DRGX: variants seen among roughly 807,000 people sequenced by gnomAD.
DRGX encodes dorsal root ganglia homeobox.
A neutral mutation model predicts 28.6 loss-of-function variants in DRGX; 21 were observed. The ratio of observed to expected loss-of-function variants is 0.73; its 90% CI spans 0.52 to 1.06. DRGX has a LOEUF of 1.06. Among genes scored for constraint, DRGX ranks in the 50% least tolerant of loss-of-function variants. DRGX has a pLI of 0.00. For missense variants in DRGX, 354 were observed against 343.9 expected (o/e 1.03, Z -0.23); for synonymous variants, 136 against 139.1 (o/e 0.98, Z 0.16).
At chr10:49,379,646 T>C (rs970480024) in intron 6 of DRGX, among the ~76,000 whole-genome samples, 13 of 152,184 alleles carry the variant, frequency 8.5e-5, no homozygotes, top group Non-Finnish European at 1.8e-4. Flanking sequence ...CAAAACATCC[T>C]TGACTAATGC....
At chr10:49,371,208 A>G (rs920388983) in intron 6 of DRGX, among the ~76,000 whole-genome samples, 3 of 152,214 alleles carry the variant, frequency 2.0e-5, no homozygotes, top group African/African-American at 7.2e-5. Context: ...TGCCGCCTGC[A>G]CAAACAACTT....
chr10:49,371,747 A>G (rs2132470939), intron 6 of DRGX, among the ~76,000 whole-genome samples: 1 of 141,186 alleles, frequency 7.1e-6, no homozygotes, highest in African/African-American at 2.8e-5. Flanking sequence ...AACTGAGATC[A>G]TGCCACTGCA....
intron 6 of DRGX, among the ~76,000 whole-genome samples, chr10:49,381,560 A>G (rs144604045): frequency 1.3e-5 from 2 of 152,268 alleles, no homozygotes; most frequent in East Asian, 3.9e-4. Context: ...AGGACTTCAC[A>G]TCCATGACAA....
At chr10:49,390,376 TG>T (rs1849889223) in intron 3 of DRGX, 142 bp from the exon 4 acceptor site, 1 of 713,468 alleles carries the variant, frequency 1.4e-6, no homozygotes. Flanking sequence ...GAGAGCTCTT[TG>T]GAAAGATCCC....
intron 6 of DRGX, among the ~76,000 whole-genome samples, chr10:49,374,297 C>A (rs898450162): frequency 6.6e-6 from 1 of 152,192 alleles, no homozygotes; most frequent in African/African-American, 2.4e-5. Flanking sequence ...CCTCCGCCTG[C>A]ACTCAGGGTA....
intron 3 of DRGX, 73 bp downstream of exon 3, chr10:49,391,090 AG>A: frequency 6.8e-7 from 1 of 1,475,352 alleles, no homozygotes; most frequent in Non-Finnish European, 9.4e-7. Flanking sequence ...TAAAAGACAA[AG>A]AAGAGTTGCT....
At chr10:49,383,700 G>A (rs1849801945) in intron 6 of DRGX, among the ~76,000 whole-genome samples, 1 of 152,188 alleles carries the variant, frequency 6.6e-6, no homozygotes, top group Admixed American at 6.5e-5. Flanking sequence ...CTCGTGAATG[G>A]GACTCGTGCC....
rs2132486635 is a variant in DRGX, at chr10:49,391,252, G to A, written c.44C>T (p.Thr15Ile). ...ATCCCCCGAAGAGTGATTGCCAAAG[G>A]TTGCAGTGCCTACCAAGAGCAAACT... ...HCPPQLEGTA[T>I]FGNHSSGDFD... The change falls in exon 3 of 7, where the codon ACC becomes ATC. Residue 15 changes from threonine (T) to isoleucine (I), a missense_variant. Physicochemically the swap from Thr to Ile is moderately conservative, Grantham distance 89. Coordinates refer to ENST00000374139, the MANE Select transcript of DRGX (RefSeq NM_001276451.2). 1 of 1,610,098 alleles carries A rather than the reference G, an allele frequency of 6.2e-7. No individual in the cohort carries two copies. The highest frequency in any genetic ancestry group is 8.5e-7 in the Non-Finnish European group (1 of 1,178,232).
Position 49,366,136 on chromosome 10 carries a change from C to T in DRGX, c.772G>A (p.Glu258Lys), listed in dbSNP as rs867908614. The change falls in exon 7 of 7, where the codon GAG becomes AAG. Residue 258 changes from glutamate to lysine, a missense_variant. Physicochemically the swap from Glu to Lys is moderately conservative, Grantham distance 56. Transcript: ENST00000374139. ...EKTSPTKEQS[E>K]AEKSV The stretch of plus-strand genomic sequence containing the variant: ...GACCCTCATACACTCTTCTCTGCCT[C>T]GCTCTGTTCCTTGGTGGGAGAGGTC... 19 of 1,600,154 alleles carry T rather than the reference C, an allele frequency of 1.2e-5. No individual in the cohort carries two copies. Among genetic ancestry groups the T allele is most frequent in the Admixed American group, 8.4e-5 (5 of 59,342 alleles).
intron 6 of DRGX, among the ~76,000 whole-genome samples, chr10:49,383,125 T>C (rs1366368131): frequency 6.6e-6 from 1 of 152,094 alleles, no homozygotes; most frequent in Non-Finnish European, 1.5e-5. Context: ...TGTCCCACAA[T>C]GGAGCCAGGC....
intron 6 of DRGX, among the ~76,000 whole-genome samples, chr10:49,369,696 T>G (rs1849634047): frequency 6.6e-6 from 1 of 152,184 alleles, no homozygotes; most frequent in South Asian, 2.1e-4. Context: ...TTAATACGAC[T>G]GACTCATACA....
intron 2 of DRGX, chr10:49,391,827 A>G (rs1271601292): frequency 1.9e-6 from 1 of 522,906 alleles, no homozygotes; most frequent in South Asian, 1.5e-5. Flanking sequence ...ATAAATGAAT[A>G]TTAATTACCG....
At chr10:49,368,884 G>A (rs1849626620) in intron 6 of DRGX, among the ~76,000 whole-genome samples, 1 of 152,248 alleles carries the variant, frequency 6.6e-6, no homozygotes, top group African/African-American at 2.4e-5. Flanking sequence ...GCACACCTGA[G>A]AGCAGAGACT....
chr10:49,371,644 T>C (rs1463002789), intron 6 of DRGX, among the ~76,000 whole-genome samples: 1 of 151,764 alleles, frequency 6.6e-6, no homozygotes, highest in Non-Finnish European at 1.5e-5. Context: ...ATACAAAAAT[T>C]AGCCAGGCAT....
chr10:49,374,833 G>A (rs1224652957), intron 6 of DRGX, among the ~76,000 whole-genome samples: 3 of 152,226 alleles, frequency 2.0e-5, no homozygotes, highest in Non-Finnish European at 4.4e-5. Context: ...GACAAGGAGA[G>A]CTCTCACACA....
chr10:49,377,283 G>A (rs1849726738), intron 6 of DRGX, among the ~76,000 whole-genome samples: 1 of 152,344 alleles, frequency 6.6e-6, no homozygotes, highest in South Asian at 2.1e-4. Context: ...GAGGCATGTT[G>A]GATGTGAATA....
chr10:49,392,690 C>T (rs1316491694), intron 2 of DRGX, among the ~76,000 whole-genome samples: 1 of 152,114 alleles, frequency 6.6e-6, no homozygotes, highest in African/African-American at 2.4e-5. Context: ...AAGTAAAACA[C>T]TGCATGTCGA....
rs75655827 is a variant in DRGX, at chr10:49,376,582, A to T, written c.526+9896T>A. On this transcript the variant is annotated intron_variant, in intron 6 of 6. Transcript: ENST00000374139. Reference sequence around the variant, plus strand: ...AGATCCCAAGTGACTTTTTGGCTCAACATCATGACTCTAACAACAATTACG... The same window carrying T: ...AGATCCCAAGTGACTTTTTGGCTCATCATCATGACTCTAACAACAATTACG... 3.6e-4 allele frequency among the ~76,000 whole-genome samples: 55 copies of T among 152,324 alleles called. No homozygotes were observed. The East Asian group carries it at 0.01, about 29-fold the overall frequency.
At chr10:49,387,118 C>A (rs1394735157) in intron 4 of DRGX, among the ~76,000 whole-genome samples, 2 of 152,160 alleles carry the variant, frequency 1.3e-5, no homozygotes, top group Non-Finnish European at 2.9e-5. Context: ...TGTGGAAATC[C>A]TTAACGTTGA....
Sources: gnomAD v4.1 joint callset for allele counts (sites outside exome capture counted in the v4.1 genomes callset) on GRCh38, gnomAD v4.1.1 for gene constraint, MANE v1.5 for transcripts, NCBI Gene and HGNC (gene_info 2026-07-23, HGNC 2026-07-21) for gene names.